MTUS2: variants seen among roughly 807,000 people sequenced by gnomAD.
The protein encoded by MTUS2 is microtubule-associated tumor suppressor candidate 2.
MTUS2 carries 40 observed loss-of-function variants against 114.1 expected under a neutral mutation model. The ratio of observed to expected loss-of-function variants is 0.35; its 90% CI spans 0.27 to 0.46. The LOEUF (loss-of-function observed/expected upper bound fraction) is 0.46. Among genes scored for constraint, MTUS2 ranks in the 20% least tolerant of loss-of-function variants. The pLI, the probability that MTUS2 is intolerant of heterozygous loss-of-function variation, is 1.00. For synonymous variants in MTUS2, 688 were observed against 672.0 expected, an observed-to-expected ratio of 1.02 and a Z score of -0.37; for missense variants, 1,679 against 1,705.4, an observed-to-expected ratio of 0.98 and a Z score of 0.27.
At chr13:29,050,760 A>G (rs148037914) in intron 4 of MTUS2, among the ~76,000 whole-genome samples, 1 of 152,194 alleles carries the variant, frequency 6.6e-6, no homozygotes, top group African/African-American at 2.4e-5. Flanking sequence ...GTTGGTTTCC[A>G]CTGGACTCTC....
chr13:29,033,081 G>A (rs55695704), intron 3 of MTUS2, among the ~76,000 whole-genome samples: 5,836 of 152,198 alleles, frequency 0.038, 188 homozygotes, highest in South Asian at 0.071. Context: ...TGACAGTAAC[G>A]TTATGTTATT....
At chr13:29,494,180 C>T (rs974024788) in intron 12 of MTUS2, among the ~76,000 whole-genome samples, 32 of 152,286 alleles carry the variant, frequency 2.1e-4, no homozygotes, top group African/African-American at 5.8e-4. Flanking sequence ...AGGGAAATAA[C>T]GTGTGAAAAG....
At chr13:29,177,595 C>T (rs73166458) in intron 5 of MTUS2, among the ~76,000 whole-genome samples, 3,014 of 152,218 alleles carry the variant, frequency 0.02, 54 homozygotes, top group Non-Finnish European at 0.031. Flanking sequence ...CAAACTGGAA[C>T]ATGTAATGAA....
At chr13:29,306,820 A>G in intron 6 of MTUS2, 1 of 447,866 alleles carries the variant, frequency 2.2e-6, no homozygotes, top group Non-Finnish European at 4.5e-6. Context: ...TGGTCATGTT[A>G]GGTGTCTGGT....
chr13:29,487,546 T>C (rs1174157528), intron 10 of MTUS2: 3 of 254,680 alleles, frequency 1.2e-5, no homozygotes, highest in Non-Finnish European at 2.3e-5. Flanking sequence ...GACCACCTCG[T>C]AGGGAGGACG....
chr13:29,046,726 C>A (rs1029306689), intron 4 of MTUS2, among the ~76,000 whole-genome samples: 1 of 95,132 alleles, frequency 1.1e-5, no homozygotes, highest in South Asian at 4.4e-4. Flanking sequence ...ACCCCTCCCC[C>A]ACCTCCTTTT....
intron 5 of MTUS2, among the ~76,000 whole-genome samples, chr13:29,264,550 C>T (rs965604359): frequency 1.3e-5 from 2 of 152,242 alleles, no homozygotes; most frequent in Admixed American, 6.5e-5. Context: ...AGCAGGCTCC[C>T]GCCTGGATAT....
At chr13:29,061,254 T>C (rs1040755839) in intron 4 of MTUS2, among the ~76,000 whole-genome samples, 4 of 152,208 alleles carry the variant, frequency 2.6e-5, no homozygotes, top group African/African-American at 7.2e-5. Flanking sequence ...GGCTTAAAGT[T>C]CTTTTAGAAT....
chr13:29,340,558 T>C (rs1263582770), intron 7 of MTUS2, among the ~76,000 whole-genome samples: 2 of 152,172 alleles, frequency 1.3e-5, no homozygotes, highest in Non-Finnish European at 2.9e-5. Flanking sequence ...GTTGATTTTT[T>C]GTGGATTTCC....
chr13:28,905,669 A>G (rs1273466647), intron 2 of MTUS2, among the ~76,000 whole-genome samples: 2 of 151,558 alleles, frequency 1.3e-5, no homozygotes, highest in Non-Finnish European at 2.9e-5. Flanking sequence ...TATTTTATTG[A>G]GGATTTTTGC....
chr13:29,107,677 A>G (rs1330643698), intron 5 of MTUS2, among the ~76,000 whole-genome samples: 2 of 152,290 alleles, frequency 1.3e-5, no homozygotes, highest in South Asian at 2.1e-4. Flanking sequence ...AGTAACCTAT[A>G]TATCTCCTTG....
intron 2 of MTUS2, among the ~76,000 whole-genome samples, chr13:28,846,865 T>C (rs1355772171): frequency 1.3e-5 from 2 of 152,256 alleles, no homozygotes; most frequent in African/African-American, 2.4e-5. Context: ...CCTTGTATTA[T>C]AGTTATTTGT....
intron 2 of MTUS2, among the ~76,000 whole-genome samples, chr13:28,846,334 T>C (rs1333700306): frequency 6.6e-6 from 1 of 152,168 alleles, no homozygotes; most frequent in African/African-American, 2.4e-5. Context: ...GTCTCTGTAA[T>C]AACTAAAGAA....
chr13:29,202,580 A>G (rs1456976824), intron 5 of MTUS2, among the ~76,000 whole-genome samples: 1 of 151,954 alleles, frequency 6.6e-6, no homozygotes, highest in Non-Finnish European at 1.5e-5. Context: ...TTGGAGGAGA[A>G]GAGGCATTCT....
At chr13:29,235,977 CAT>C (rs1896520732) in intron 5 of MTUS2, among the ~76,000 whole-genome samples, 1 of 152,134 alleles carries the variant, frequency 6.6e-6, no homozygotes, top group African/African-American at 2.4e-5. Context: ...AATCTACTAA[CAT>C]ATTGTTCTTA....
intron 5 of MTUS2, among the ~76,000 whole-genome samples, chr13:29,118,333 C>T (rs1566017711): frequency 6.6e-6 from 1 of 151,888 alleles, no homozygotes. Flanking sequence ...TATTACTCTT[C>T]CAGGGTGAGG....
chr13:29,005,945 C>T (rs1357580792), intron 2 of MTUS2, among the ~76,000 whole-genome samples: 1 of 152,200 alleles, frequency 6.6e-6, no homozygotes, highest in African/African-American at 2.4e-5. Context: ...GCAGATGGCC[C>T]ATTGTAACAA....
At chr13:28,998,720 G>A (rs562943626) in intron 2 of MTUS2, among the ~76,000 whole-genome samples, 2 of 152,136 alleles carry the variant, frequency 1.3e-5, no homozygotes, top group South Asian at 2.1e-4. Context: ...CGTAGTTCTT[G>A]TGCCATAGTT....
chr13:29,047,381 C>A (rs1003029440), intron 4 of MTUS2, among the ~76,000 whole-genome samples: 1 of 152,130 alleles, frequency 6.6e-6, no homozygotes, highest in Non-Finnish European at 1.5e-5. Context: ...CATTCTGATG[C>A]AGCTGTTTTG....
Sources: allele counts gnomAD v4.1 joint callset (sites outside exome capture counted in the v4.1 genomes callset), GRCh38; gene constraint gnomAD v4.1.1; transcripts MANE v1.5; gene names NCBI Gene and HGNC (gene_info 2026-07-23, HGNC 2026-07-21).